NOP58: variants seen among roughly 807,000 people sequenced by gnomAD.
NOP58 encodes the protein nucleolar protein 58.
A neutral mutation model predicts 71.2 loss-of-function variants in NOP58; 44 were observed. That is an observed-to-expected ratio of 0.62 (90% confidence interval 0.49 to 0.79). The LOEUF (loss-of-function observed/expected upper bound fraction) is 0.79. Among genes scored for constraint, NOP58 ranks in the 30% least tolerant of loss-of-function variants. The pLI is 0.00. For synonymous variants in NOP58, 228 were observed against 200.3 expected (o/e 1.14, Z -1.17); for missense variants, 538 against 620.2 (o/e 0.87, Z 1.41).
At chr2:202,299,319 A>G (rs1358013049) in intron 12 of NOP58, among the ~76,000 whole-genome samples, 2 of 152,170 alleles carry the variant, frequency 1.3e-5, no homozygotes, top group African/African-American at 2.4e-5. Flanking sequence ...TAATATATAG[A>G]ACATTACCAA....
intron 13 of NOP58, among the ~76,000 whole-genome samples, chr2:202,301,591 A>G (rs1689094709): frequency 6.6e-6 from 1 of 152,220 alleles, no homozygotes; most frequent in Non-Finnish European, 1.5e-5. Flanking sequence ...TTCCACTTGA[A>G]AGTATGTAGT....
intron 1 of NOP58, among the ~76,000 whole-genome samples, 198 bp downstream of exon 1, chr2:202,266,184 C>T (rs146710408): frequency 3.9e-5 from 6 of 152,180 alleles, no homozygotes; most frequent in African/African-American, 1.4e-4. Context: ...GAGACCCGTT[C>T]TGCATTAGAG....
chr2:202,271,093 C>CA (rs1559258791), intron 1 of NOP58, among the ~76,000 whole-genome samples: 1 of 149,822 alleles, frequency 6.7e-6, no homozygotes, highest in Non-Finnish European at 1.5e-5. Flanking sequence ...CAAAAAAAAA[C>CA]AAAAAAAGTG....
Position 202,265,980 on chromosome 2 carries a change from C to T in NOP58, c.39C>T (p.Ile13=), listed in dbSNP as rs779991794. Residue 13 remains isoleucine (I), a synonymous_variant, in exon 1 of 15, where the codon ATC becomes ATT. Transcript: ENST00000264279. ...VLFETSVGYA[I]FKVLNEKKLQ... is the part of the protein sequence containing the mutation. Reference sequence around the variant, plus strand: ...TTGAAACGTCTGTGGGTTACGCCATCTTTAAGGTAGGTGGGAGAGCGAGCC... The same window carrying T: ...TTGAAACGTCTGTGGGTTACGCCATTTTTAAGGTAGGTGGGAGAGCGAGCC... The T allele has an allele frequency of 1.2e-6, 2 of 1,614,146 alleles. No individual in the cohort carries two copies. Among genetic ancestry groups the T allele is most frequent in the Non-Finnish European group, 1.7e-6 (2 of 1,180,024 alleles).
chr2:202,266,430 C>T (rs1241842647), intron 1 of NOP58, among the ~76,000 whole-genome samples: 1 of 152,046 alleles, frequency 6.6e-6, no homozygotes, highest in Admixed American at 6.6e-5. Flanking sequence ...TCCCGAGTAG[C>T]TGGGATTACA....
chr2:202,283,601 C>T (rs558357883), intron 4 of NOP58, among the ~76,000 whole-genome samples: 4 of 151,918 alleles, frequency 2.6e-5, no homozygotes, highest in African/African-American at 7.2e-5. Context: ...CCACCACACC[C>T]GGCTAATTTT....
intron 14 of NOP58, 52 bp downstream of exon 14, chr2:202,303,109 A>G: frequency 6.5e-7 from 1 of 1,550,160 alleles, no homozygotes; most frequent in Non-Finnish European, 8.7e-7. Flanking sequence ...AGTTCTCTAT[A>G]TTTCAATCTA....
intron 6 of NOP58, among the ~76,000 whole-genome samples, chr2:202,289,072 A>G (rs756663740): frequency 4.5e-4 from 68 of 152,196 alleles, no homozygotes; most frequent in Middle Eastern, 3.4e-3. Flanking sequence ...GTGAGCTGAG[A>G]TCGCACCACT....
intron 1 of NOP58, among the ~76,000 whole-genome samples, chr2:202,273,223 C>T (rs1574376274): frequency 6.6e-6 from 1 of 152,312 alleles, no homozygotes; most frequent in East Asian, 1.9e-4. Flanking sequence ...TTCATGAGCA[C>T]ACAAAGGTCT....
At chr2:202,298,860 G>A (rs181947948) in intron 12 of NOP58, among the ~76,000 whole-genome samples, 2 of 151,884 alleles carry the variant, frequency 1.3e-5, no homozygotes, top group African/African-American at 4.8e-5. Context: ...GCTGTTCTAG[G>A]AAGCCATTTC....
In NOP58 at chr2:202,303,481, A is replaced by G; in HGVS notation, c.*45A>G. The stretch of plus-strand genomic sequence containing the variant: ...TATCACCCGGACACACATCATGCTT[A>G]AGATTCAACTGGGAGCATACCAGGG... On this transcript the variant is annotated 3_prime_UTR_variant, in exon 15 of 15. Coordinates refer to ENST00000264279, the MANE Select transcript of NOP58 (RefSeq NM_015934.5). The G allele has an allele frequency of 6.3e-7, 1 of 1,579,974 alleles. No individual in the cohort carries two copies. The highest frequency in any genetic ancestry group is 8.6e-7 in the Non-Finnish European group (1 of 1,161,932).
rs146175204 is a variant in NOP58, at chr2:202,292,779, G to A, written c.783G>A (p.Val261=). The part of the protein sequence containing the change: ...ICNILHLCTQ[V]IEISEYRTQL... ...CTTAACTTTATTCCTTATACTAGGT[G>A]ATTGAAATCTCTGAATATCGAACCC... is the stretch of plus-strand genomic sequence containing the variant. The change falls in exon 9 of 15, where the codon GTG becomes GTA. Residue 261 remains valine, a splice_region_variant and synonymous_variant. Transcript: ENST00000264279. 5.0e-6 allele frequency: 8 copies of A among 1,608,774 alleles called. No homozygotes were observed. Among genetic ancestry groups the A allele is most frequent in the Non-Finnish European group, 6.0e-6 (7 of 1,175,180 alleles).
chr2:202,268,484 G>T (rs1688454501), intron 1 of NOP58, among the ~76,000 whole-genome samples: 1 of 151,480 alleles, frequency 6.6e-6, no homozygotes, highest in Admixed American at 6.6e-5. Flanking sequence ...GTGGTGAGCT[G>T]AGATCGTGCC....
intron 8 of NOP58, among the ~76,000 whole-genome samples, chr2:202,291,621 T>TA (rs993128788): frequency 6.6e-6 from 1 of 151,768 alleles, no homozygotes; most frequent in Non-Finnish European, 1.5e-5. Context: ...GCCTGACCAA[T>TA]ATGATGAAAC....
At chr2:202,268,307 G>A (rs1350409021) in intron 1 of NOP58, among the ~76,000 whole-genome samples, 5 of 151,978 alleles carry the variant, frequency 3.3e-5, no homozygotes, top group Non-Finnish European at 4.4e-5. Flanking sequence ...GGCCGAGGCC[G>A]GCGGATCACA....
At chr2:202,273,686 T>C (rs1463059822) in intron 1 of NOP58, among the ~76,000 whole-genome samples, 1 of 152,220 alleles carries the variant, frequency 6.6e-6, no homozygotes, top group Non-Finnish European at 1.5e-5. Flanking sequence ...CTCACGCCTG[T>C]AATCCCAACG....
chr2:202,269,317 G>A (rs979018279), intron 1 of NOP58, among the ~76,000 whole-genome samples: 2 of 144,298 alleles, frequency 1.4e-5, no homozygotes, highest in Non-Finnish European at 3.0e-5. Flanking sequence ...GATTACAGGC[G>A]TGAGCCACCA....
intron 5 of NOP58, chr2:202,284,784 C>G: frequency 3.8e-6 from 1 of 262,146 alleles, no homozygotes; most frequent in Non-Finnish European, 7.2e-6. Flanking sequence ...TGGGCTTTCC[C>G]TCCTTTATCT....
chr2:202,286,402 G>A (rs1688786809), intron 5 of NOP58, among the ~76,000 whole-genome samples: 1 of 151,020 alleles, frequency 6.6e-6, no homozygotes, highest in Admixed American at 6.6e-5. Flanking sequence ...CTACTCGGGA[G>A]GCTGAGGCAG....
Sources: gnomAD v4.1 joint callset for allele counts (sites outside exome capture counted in the v4.1 genomes callset) on GRCh38, gnomAD v4.1.1 for gene constraint, MANE v1.5 for transcripts, NCBI Gene and HGNC (gene_info 2026-07-23, HGNC 2026-07-21) for gene names.